TTLL5: variants seen among roughly 807,000 people sequenced by gnomAD.
TTLL5 encodes tubulin polyglutamylase TTLL5.
In TTLL5, 132 loss-of-function variants were observed where a neutral mutation model predicts 168.4. The ratio of observed to expected loss-of-function variants is 0.78; its 90% CI spans 0.68 to 0.91. The LOEUF is 0.91. Ranked by LOEUF, TTLL5 falls within the 40% of genes least tolerant of loss-of-function variation. TTLL5 has a pLI of 0.00. For synonymous variants in TTLL5, 546 were observed against 558.6 expected (o/e 0.98, Z 0.32); for missense variants, 1,545 against 1,581.5 (o/e 0.98, Z 0.39).
chr14:75,675,795 G>C (rs980494052), intron 3 of TTLL5, among the ~76,000 whole-genome samples: 1 of 152,166 alleles, frequency 6.6e-6, no homozygotes, highest in Non-Finnish European at 1.5e-5. Context: ...TATTAGTCAG[G>C]GTGTTCCAGA....
chr14:75,811,156 AGTGTGTGTGTGTGTGTGT>A (rs148883248), intron 27 of TTLL5, among the ~76,000 whole-genome samples: 1 of 116,532 alleles, frequency 8.6e-6, no homozygotes. Context: ...TGAAAGAAAG[AGTGTGTGTGTGTGTGTGT>A]GTGTGTGTGT....
At chr14:75,928,896 A>G (rs950247702) in intron 31 of TTLL5, among the ~76,000 whole-genome samples, 1 of 152,156 alleles carries the variant, frequency 6.6e-6, no homozygotes. Context: ...TTGTGATATG[A>G]AGTATTTAGT....
chr14:75,689,597 T>A (rs1184887800), intron 5 of TTLL5: 1 of 152,222 alleles, frequency 6.6e-6, no homozygotes, highest in Non-Finnish European at 1.5e-5. Flanking sequence ...CCAAATGCCT[T>A]CAACTGGTGA....
chr14:75,719,453 C>T (rs1342322119), intron 10 of TTLL5, among the ~76,000 whole-genome samples: 1 of 152,200 alleles, frequency 6.6e-6, no homozygotes, highest in Admixed American at 6.5e-5. Flanking sequence ...ACATTGCTTT[C>T]ACTCTTTCTT....
intron 28 of TTLL5, among the ~76,000 whole-genome samples, chr14:75,846,792 GAAA>G (rs5809732): frequency 3.0e-5 from 3 of 99,184 alleles, no homozygotes; most frequent in Non-Finnish European, 2.0e-5. Context: ...CTCCATCTCA[GAAA>G]AAAAAAAAAA....
rs148875175 is a variant in TTLL5 at position 75,727,844 on chromosome 14, C to T, written c.1043-4494C>T. On this transcript the variant is annotated intron_variant, in intron 12 of 31. Transcript: ENST00000298832. Reference sequence around the variant, plus strand: ...CTGTGATGAAAGAAATAAGACTAGTCGTTGTCAGGGATGGGGGAAAGGGCA... The same window carrying T: ...CTGTGATGAAAGAAATAAGACTAGTTGTTGTCAGGGATGGGGGAAAGGGCA... 5.7e-3 allele frequency: 2,879 copies of T among 503,338 alleles called. 19 individuals carry two copies. Among genetic ancestry groups the T allele is most frequent in the Non-Finnish European group, 7.3e-3 (1,828 of 252,060 alleles). The allele number at this position is 503,338 out of a possible 1,614,324, so 31.2% of individuals were successfully genotyped here.
intron 20 of TTLL5, among the ~76,000 whole-genome samples, chr14:75,767,052 A>G (rs1460023456): frequency 6.6e-6 from 1 of 151,908 alleles, no homozygotes; most frequent in East Asian, 1.9e-4. Context: ...AAGCCCAGCT[A>G]CTCGGGAGGA....
intron 9 of TTLL5, among the ~76,000 whole-genome samples, chr14:75,708,553 C>T (rs1045866819): frequency 1.3e-5 from 2 of 151,942 alleles, no homozygotes; most frequent in Non-Finnish European, 2.9e-5. Context: ...TCTCGATCTC[C>T]TGACCTCGTG....
At chr14:75,953,625 T>C (rs1485773268) in intron 31 of TTLL5, among the ~76,000 whole-genome samples, 1 of 152,118 alleles carries the variant, frequency 6.6e-6, no homozygotes, top group Admixed American at 6.5e-5. Context: ...TAAAGTTCCT[T>C]TTCTTAAACT....
chr14:75,935,811 A>G (rs2034417562), intron 31 of TTLL5, among the ~76,000 whole-genome samples: 1 of 152,250 alleles, frequency 6.6e-6, no homozygotes, highest in Admixed American at 6.5e-5. Context: ...GCAAACCAGT[A>G]ATAGGCAGCT....
Position 75,931,042 on chromosome 14 carries a change from G to C in TTLL5, c.3824-23382G>C, listed in dbSNP as rs139987260. Among the ~76,000 whole-genome samples the C allele has an allele frequency of 5.6e-3, 852 of 152,246 alleles. 14 individuals are homozygous for C. The highest frequency in any genetic ancestry group is 0.027 in the South Asian group (129 of 4,824). ...ATCCTGTCCTTGATCTGCTCCCGTA[G>C]TTTCAGCTGACCTCCATCTAGGACA... On this transcript the variant is annotated intron_variant, in intron 31 of 31. Coordinates refer to ENST00000298832, the MANE Select transcript of TTLL5 (RefSeq NM_015072.5).
intron 31 of TTLL5, among the ~76,000 whole-genome samples, chr14:75,908,277 G>A (rs1481684168): frequency 6.6e-6 from 1 of 152,276 alleles, no homozygotes; most frequent in East Asian, 1.9e-4. Flanking sequence ...GGAAGCTGCA[G>A]AGTCAGGCCC....
At chr14:75,676,374 T>A (rs80051447) in intron 3 of TTLL5, among the ~76,000 whole-genome samples, 1 of 152,310 alleles carries the variant, frequency 6.6e-6, no homozygotes, top group East Asian at 1.9e-4. Flanking sequence ...AGCAACTAAT[T>A]TAGTTTTATT....
intron 6 of TTLL5, among the ~76,000 whole-genome samples, chr14:75,693,357 G>A (rs1885594685): frequency 6.6e-6 from 1 of 152,134 alleles, no homozygotes; most frequent in South Asian, 2.1e-4. Flanking sequence ...TGGACATGAG[G>A]ATTGCCTAAA....
Position 75,869,142 on chromosome 14 carries a change from T to G in TTLL5, c.3522+5280T>G, listed in dbSNP as rs190688518. Among the ~76,000 whole-genome samples the G allele has an allele frequency of 3.3e-5, 5 of 152,050 alleles. 1 individual carries two copies. The highest frequency in any genetic ancestry group is 1.2e-4 in the African/African-American group (5 of 41,468). On this transcript the variant is annotated intron_variant, in intron 29 of 31. Transcript: ENST00000298832. ...GTTGTTTTTTTGTTTGGTTGGTTCT[T>G]TTGTTCTATTTTATTTTCCCACTTG...
chr14:75,878,504 C>G (rs1272561276), intron 29 of TTLL5, among the ~76,000 whole-genome samples: 3 of 152,188 alleles, frequency 2.0e-5, no homozygotes, highest in Admixed American at 2.0e-4. Context: ...AAAGAGCTTT[C>G]CCAAAAACTG....
In TTLL5 at chr14:75,938,921, G is replaced by A. The variant is rs1277587740; in HGVS notation, c.3824-15503G>A. Among the ~76,000 whole-genome samples, 7 of 152,320 alleles carry A rather than the reference G, an allele frequency of 4.6e-5. No homozygotes were observed. In the South Asian group the frequency reaches 1.2e-3, roughly 27 times the overall value. On this transcript the variant is annotated intron_variant, in intron 31 of 31. Transcript: ENST00000298832. Reference sequence around the variant, plus strand: ...AGAGCTTGATTGCCTATACTCTAGAGCAGTGATTGTTAAACTGTGAGTCGT... The same window carrying A: ...AGAGCTTGATTGCCTATACTCTAGAACAGTGATTGTTAAACTGTGAGTCGT...
At chr14:75,877,438 G>A (rs1329201306) in intron 29 of TTLL5, among the ~76,000 whole-genome samples, 1 of 152,192 alleles carries the variant, frequency 6.6e-6, no homozygotes, top group African/African-American at 2.4e-5. Flanking sequence ...TCTGTTGTGG[G>A]AGAAGGAGGG....
At chr14:75,691,880 G>A (rs1885488255) in intron 6 of TTLL5, among the ~76,000 whole-genome samples, 1 of 152,170 alleles carries the variant, frequency 6.6e-6, no homozygotes, top group Admixed American at 6.5e-5. Context: ...TTCATCTTTT[G>A]GCAGAGGAGA....
Sources: gnomAD v4.1 joint callset for allele counts (sites outside exome capture counted in the v4.1 genomes callset) on GRCh38, gnomAD v4.1.1 for gene constraint, MANE v1.5 for transcripts, NCBI Gene and HGNC (gene_info 2026-07-23, HGNC 2026-07-21) for gene names.